The following ZNF827 variants were observed in gnomAD, a reference collection of about 807,000 sequenced individuals.
The protein encoded by ZNF827 is zinc finger protein 827.
A neutral mutation model predicts 102.4 loss-of-function variants in ZNF827; 13 were observed. That is an observed-to-expected ratio of 0.13 (90% confidence interval 0.08 to 0.20). The LOEUF is 0.20. Ranked by LOEUF, ZNF827 falls within the 10% of genes least tolerant of loss-of-function variation. The pLI, the probability that ZNF827 is intolerant of heterozygous loss-of-function variation, is 1.00. For missense variants in ZNF827, 1,103 were observed against 1,344.4 expected, an observed-to-expected ratio of 0.82 and a Z score of 2.81; for synonymous variants, 523 against 536.2, an observed-to-expected ratio of 0.98 and a Z score of 0.34.
rs944851944 is a variant in ZNF827 at position 145,870,419 on chromosome 4, C to T, written c.1807G>A (p.Gly603Arg). ...GGCAAAGTCGTGCTTAGGGACTCCC[C>T]TTCCTTAGGCTCCTCTTTCACTTTA... ...NFKVKEEPKE[G>R]ESLSTTLPRS... The change falls in exon 5 of 15, where the codon GGG (glycine) becomes AGG (arginine). Residue 603 changes from glycine (G) to arginine (R), a missense_variant. Physicochemically the swap from Gly to Arg is moderately radical, Grantham distance 125 (BLOSUM62 -2). This residue lies in a region of ZNF827 where 243 missense variants were observed against 251.6 expected (regional missense o/e 0.97). Transcript: ENST00000508784. The T allele has an allele frequency of 6.2e-7, 1 of 1,614,162 alleles. No individual in the cohort carries two copies.
rs181683867 is a variant in ZNF827 at position 145,900,202 on chromosome 4, A to G, written c.1093+1964T>C. 4.2e-3 allele frequency among the ~76,000 whole-genome samples: 647 copies of G among 152,312 alleles called. 4 individuals are homozygous for G. Among genetic ancestry groups the G allele is most frequent in the African/African-American group, 0.014 (590 of 41,568 alleles). On this transcript the variant is annotated intron_variant, in intron 2 of 14. Transcript: ENST00000508784. ...ATTGCTGGTTATACCGGAGACTTCA[A>G]TATGACAAAGCTGCTACAGTCTGGG... is the stretch of plus-strand genomic sequence containing the variant.
chr4:145,915,989 A>G (rs1375931307), intron 1 of ZNF827, among the ~76,000 whole-genome samples: 1 of 152,244 alleles, frequency 6.6e-6, no homozygotes, highest in Non-Finnish European at 1.5e-5. Context: ...ATGCCAGAAT[A>G]ATCTCCTTTG....
chr4:145,880,047 C>G (rs1214499457), intron 4 of ZNF827, among the ~76,000 whole-genome samples: 1 of 152,114 alleles, frequency 6.6e-6, no homozygotes, highest in African/African-American at 2.4e-5. Flanking sequence ...CCAGCCTGGC[C>G]AATACGGTGA....
chr4:145,886,119 G>T lies in ZNF827; in HGVS notation c.1306C>A (p.Gln436Lys). Reference sequence around the variant, plus strand: ...CGTGAGGAAGTAAAAGGGCACAGCTGGCACTGAAAGGTCTCTCCCCGATCC... The same window carrying T: ...CGTGAGGAAGTAAAAGGGCACAGCTTGCACTGAAAGGTCTCTCCCCGATCC... ...HQDRGETFQC[Q>K]LCPFTSSRHF... The change falls in exon 4 of 15, where the codon CAG (glutamine) becomes AAG (lysine). Residue 436 changes from glutamine to lysine, a missense_variant. Coordinates refer to ENST00000508784, the MANE Select transcript of ZNF827 (RefSeq NM_001306215.2). The T allele has an allele frequency of 6.2e-7, 1 of 1,611,280 alleles. No individual in the cohort carries two copies. The highest frequency in any genetic ancestry group is 8.5e-7 in the Non-Finnish European group (1 of 1,178,598).
chr4:145,916,593 T>C (rs1752683961), intron 1 of ZNF827, among the ~76,000 whole-genome samples: 1 of 152,180 alleles, frequency 6.6e-6, no homozygotes, highest in Non-Finnish European at 1.5e-5. Flanking sequence ...TCCATGTTAA[T>C]CCCCTTATCA....
rs780836077 is a variant in ZNF827, at chr4:145,775,863, A to G, written c.2619T>C (p.Ser873=). ...CGCTGACAATGTCCTCGGTGTCTGT[A>G]CTCACCAGCTTCACGGAATGGACGG... The part of the protein sequence containing the change: ...HLTVHSVKLV[S]TDTEDIVSAV... The change falls in exon 10 of 15, where the codon AGT becomes AGC. Residue 873 remains serine, a synonymous_variant. Coordinates refer to ENST00000508784, the MANE Select transcript of ZNF827 (RefSeq NM_001306215.2). The G allele has an allele frequency of 3.7e-6, 6 of 1,614,100 alleles. No homozygotes were observed. In the Admixed American group the frequency reaches 1.0e-4, roughly 27 times the overall value.
At position 145,762,199 on chromosome 4, in the gene ZNF827, G is replaced by A. The variant is rs1734626256; in HGVS notation, c.*18-601C>T. ...TGTCTCTCTGTGTGAGTGTGTGCAT[G>A]TGTACATATCTATGTACTCGTAAAA... On this transcript the variant is annotated intron_variant, in intron 14 of 14. Coordinates refer to ENST00000508784, the MANE Select transcript of ZNF827 (RefSeq NM_001306215.2). The surrounding 1 kb of genome is among the most constrained non-coding windows in gnomAD (Gnocchi z 4.9). Among the ~76,000 whole-genome samples the A allele has an allele frequency of 6.6e-6, 1 of 152,136 alleles. No homozygotes were observed.
At chr4:145,790,900 TGATGGCA>T (rs1238103540) in intron 8 of ZNF827, among the ~76,000 whole-genome samples, 2 of 152,262 alleles carry the variant, frequency 1.3e-5, no homozygotes, top group African/African-American at 4.8e-5. Flanking sequence ...TTTTGTTAGT[TGATGGCA>T]GATTTAACAT....
chr4:145,850,043 CTT>C (rs1240127027), intron 5 of ZNF827, among the ~76,000 whole-genome samples: 3 of 149,830 alleles, frequency 2.0e-5, no homozygotes, highest in African/African-American at 7.4e-5. Flanking sequence ...TAGTTTCACT[CTT>C]GTTGCCCAGG....
chr4:145,765,873 A>AGCAGTGGGGGAG lies in ZNF827; in HGVS notation c.2861-136_2861-135insCTCCCCCACTGC. The AGCAGTGGGGGAG allele has an allele frequency of 1.2e-6, 1 of 846,592 alleles. No individual in the cohort carries two copies. The highest frequency in any genetic ancestry group is 1.8e-6 in the Non-Finnish European group (1 of 568,560). The allele number at this position is 846,592 out of a possible 1,614,324, so 52.4% of individuals were successfully genotyped here. A position where few individuals can be genotyped will look rare whatever the true frequency, so the allele number is the denominator to read the frequency against. On this transcript the variant is annotated intron_variant, in intron 11 of 14. Coordinates refer to ENST00000508784, the MANE Select transcript of ZNF827 (RefSeq NM_001306215.2). This position sits in a 1 kb window ranked among gnomAD's most constrained non-coding sequence, Gnocchi z 4.7. ...ACAGGCTCATGTCCCCAGCTCCCCC[A>AGCAGTGGGGGAG]CTGCTGGGGGATCCCAGGTCCTAAG... is the stretch of plus-strand genomic sequence containing the variant.
At chr4:145,870,170 C>T (rs1295880274) in intron 5 of ZNF827, 75 bp downstream of exon 5, 2 of 1,419,722 alleles carry the variant, frequency 1.4e-6, no homozygotes, top group Admixed American at 3.7e-5. Context: ...TTAATTATAA[C>T]CCATGCAGGA....
chr4:145,909,654 A>G (rs1345946588), intron 1 of ZNF827, among the ~76,000 whole-genome samples: 3 of 152,248 alleles, frequency 2.0e-5, no homozygotes, highest in Non-Finnish European at 4.4e-5. Flanking sequence ...AGGTATCAGG[A>G]AGACAAAAGC....
intron 8 of ZNF827, among the ~76,000 whole-genome samples, chr4:145,812,805 G>T (rs1742164669): frequency 6.6e-6 from 1 of 152,174 alleles, no homozygotes; most frequent in African/African-American, 2.4e-5. Context: ...TCGGATTACA[G>T]GTGTGAGCCA....
chr4:145,792,404 AT>A (rs199623597), intron 8 of ZNF827, among the ~76,000 whole-genome samples: 1,743 of 152,226 alleles, frequency 0.011, 41 homozygotes, highest in African/African-American at 0.04. Context: ...AAGAAATGGC[AT>A]TACTACTGTC....
At position 145,818,782 on chromosome 4, in the gene ZNF827, C is replaced by G. The variant is rs62345790; in HGVS notation, c.2383+4640G>C. Among the ~76,000 whole-genome samples the G allele has an allele frequency of 5.1e-3, 771 of 152,206 alleles. 9 individuals are homozygous for G. The highest frequency in any genetic ancestry group is 4.2e-3 in the Non-Finnish European group (284 of 68,034). ...CTTAAAGAGGTCATTCACTTCTGAC[C>G]AGGGGTGTGTCAGGCTGAGAGCTAG... On this transcript the variant is annotated intron_variant, in intron 8 of 14. Transcript: ENST00000508784.
chr4:145,805,554 C>T (rs1741337968), intron 8 of ZNF827, among the ~76,000 whole-genome samples: 1 of 152,192 alleles, frequency 6.6e-6, no homozygotes, highest in African/African-American at 2.4e-5. Context: ...CCTCTTTTAT[C>T]TTTATGCAGG....
chr4:145,938,181 A>G (rs893151881), intron 1 of ZNF827, among the ~76,000 whole-genome samples, 184 bp downstream of exon 1: 4 of 151,972 alleles, frequency 2.6e-5, no homozygotes, highest in Non-Finnish European at 2.9e-5. Flanking sequence ...CACGGGGCTG[A>G]TCATCACCAA....
chr4:145,785,672 T>C (rs1738748526), intron 8 of ZNF827, among the ~76,000 whole-genome samples: 1 of 152,198 alleles, frequency 6.6e-6, no homozygotes, highest in Non-Finnish European at 1.5e-5. Context: ...ATAAGGGAAC[T>C]GAGGCCAAGA....
At chr4:145,883,838 T>C (rs1339107675) in intron 4 of ZNF827, among the ~76,000 whole-genome samples, 2 of 151,948 alleles carry the variant, frequency 1.3e-5, no homozygotes, top group African/African-American at 2.4e-5. Context: ...TAAGGGCCCA[T>C]AAAAGGAGCC....
Sources: allele counts gnomAD v4.1 joint callset (sites outside exome capture counted in the v4.1 genomes callset), GRCh38; gene constraint gnomAD v4.1.1; regional missense constraint gnomAD v4.1.1; non-coding constraint Gnocchi (gnomAD v3.1); transcripts MANE v1.5; gene names NCBI Gene and HGNC (gene_info 2026-07-23, HGNC 2026-07-21).